SNRNP27: variants seen among roughly 807,000 people sequenced by gnomAD.
SNRNP27 encodes U4/U6.U5 small nuclear ribonucleoprotein 27 kDa protein.
Under a neutral mutation model 25.1 loss-of-function variants are expected in SNRNP27, and 22 were observed. The ratio of observed to expected loss-of-function variants is 0.88; its 90% confidence interval spans 0.63 to 1.25. SNRNP27 has a LOEUF of 1.25. SNRNP27 is among the 50% of genes most tolerant of loss of function. SNRNP27 has a pLI of 0.00. For missense variants in SNRNP27, 150 were observed against 202.3 expected (o/e 0.74, Z 1.57); for synonymous variants, 66 against 64.9 (o/e 1.02, Z -0.08).
chr2:69,898,516 T>C (rs565337281), intron 4 of SNRNP27, among the ~76,000 whole-genome samples: 40 of 152,356 alleles, frequency 2.6e-4, no homozygotes, highest in Non-Finnish European at 4.6e-4. Context: ...TTTAAGTCTT[T>C]CCATTTAGTT....
chr2:69,900,832 C>T (rs191880564), intron 4 of SNRNP27, among the ~76,000 whole-genome samples: 38 of 152,220 alleles, frequency 2.5e-4, no homozygotes, highest in African/African-American at 7.9e-4. Flanking sequence ...CTTGCAGTCT[C>T]ATAGGGAAAA....
intron 1 of SNRNP27, among the ~76,000 whole-genome samples, chr2:69,894,847 A>G (rs927140863): frequency 2.6e-5 from 4 of 151,808 alleles, no homozygotes; most frequent in South Asian, 4.2e-4. Flanking sequence ...ACGCCTGGCT[A>G]ATTTTTGTAT....
chr2:69,903,044 G>GC, intron 4 of SNRNP27, 137 bp from the exon 5 acceptor site: 1 of 614,166 alleles, frequency 1.6e-6, no homozygotes, highest in Non-Finnish European at 3.0e-6. Flanking sequence ...CTGGGCTCAA[G>GC]CAATCCTCCC....
At chr2:69,895,348 T>G (rs548280688) in intron 2 of SNRNP27, 134 bp downstream of exon 2, 2 of 1,121,732 alleles carry the variant, frequency 1.8e-6, no homozygotes, top group Admixed American at 5.7e-5. Context: ...TAATCCAACC[T>G]TATTCTAAAG....
Position 69,897,456 on chromosome 2 carries a change from A to T in SNRNP27, c.348A>T (p.Lys116Asn). The T allele has an allele frequency of 6.2e-7, 1 of 1,605,976 alleles. No homozygotes were observed. The highest frequency in any genetic ancestry group is 1.7e-4 in the Middle Eastern group (1 of 5,998). ...GATTTGCCTCCTTTGACTCCACAAA[A>T]GTAAGTAAAACGTGCAACATTCTCA... is the stretch of plus-strand genomic sequence containing the variant. ...LMGFASFDST[K>N]GKKVDGSVNA... is the part of the protein sequence containing the mutation. Residue 116 changes from lysine (K) to asparagine (N), a missense_variant and splice_region_variant, in exon 4 of 6, where the codon AAA (lysine) becomes AAT (asparagine). This residue lies in a region of SNRNP27 where 142 missense variants were observed against 168.6 expected (regional missense o/e 0.84). Coordinates refer to ENST00000244227, the MANE Select transcript of SNRNP27 (RefSeq NM_006857.3).
At chr2:69,898,643 C>T (rs759639767) in intron 4 of SNRNP27, among the ~76,000 whole-genome samples, 2 of 152,098 alleles carry the variant, frequency 1.3e-5, no homozygotes, top group Non-Finnish European at 2.9e-5. Flanking sequence ...CTGTAAGTTT[C>T]TTTCTAACTA....
chr2:69,897,155 A>G (rs992167053), intron 3 of SNRNP27, among the ~76,000 whole-genome samples: 1 of 152,006 alleles, frequency 6.6e-6, no homozygotes, highest in South Asian at 2.1e-4. Context: ...TTAAAAGGTA[A>G]TCCTGTCTAA....
intron 4 of SNRNP27, among the ~76,000 whole-genome samples, chr2:69,902,785 CTTCTTCTGCTT>C (rs1436741098): frequency 2.0e-5 from 3 of 151,750 alleles, no homozygotes; most frequent in African/African-American, 7.3e-5. Flanking sequence ...TGCTTCTTTT[CTTCTTCTGCTT>C]TTCTTCTGCT....
chr2:69,895,223 A>G lies in SNRNP27; in HGVS notation c.155+9A>G, dbSNP rs1372766531. 3 of 1,611,234 alleles carry G rather than the reference A, an allele frequency of 1.9e-6. No homozygotes were observed. The highest frequency in any genetic ancestry group is 8.5e-7 in the Non-Finnish European group (1 of 1,179,210). On this transcript the variant is annotated intron_variant, in intron 2 of 5. Transcript: ENST00000244227. The stretch of plus-strand genomic sequence containing the variant: ...CACCGAAGACGCTCCCGGTAAGGGC[A>G]GAAAATAAGCCAAGAGTTTTATTTA...
At chr2:69,900,527 C>T (rs1676675569) in intron 4 of SNRNP27, among the ~76,000 whole-genome samples, 1 of 152,160 alleles carries the variant, frequency 6.6e-6, no homozygotes, top group Admixed American at 6.5e-5. Flanking sequence ...AAAGTAAGAC[C>T]AAATACATTT....
At chr2:69,896,619 C>A (rs1573388373) in intron 3 of SNRNP27, 71 bp downstream of exon 3, 1 of 1,374,800 alleles carries the variant, frequency 7.3e-7, no homozygotes, top group Non-Finnish European at 9.8e-7. Context: ...TAATCTTGAA[C>A]ATTTAAATGT....
At chr2:69,896,396 ATGTC>A (rs1344006532) in intron 2 of SNRNP27, 36 bp from the exon 3 acceptor site, 1 of 1,590,304 alleles carries the variant, frequency 6.3e-7, no homozygotes, top group Non-Finnish European at 8.6e-7. Flanking sequence ...CAAAGTTGAT[ATGTC>A]TGTCTGTTTC....
intron 4 of SNRNP27, among the ~76,000 whole-genome samples, chr2:69,899,883 C>T (rs953199096): frequency 3.9e-5 from 6 of 152,122 alleles, no homozygotes; most frequent in East Asian, 3.8e-4. Context: ...CATGCCGCCA[C>T]GCCAGGATAA....
At chr2:69,903,128 G>C (rs1676738752) in intron 4 of SNRNP27, 53 bp from the exon 5 acceptor site, 2 of 1,411,478 alleles carry the variant, frequency 1.4e-6, no homozygotes, top group Admixed American at 1.7e-5. Context: ...CATGTATCCT[G>C]ATTTAATGTA....
chr2:69,902,533 GCTTCTGCTT>G (rs959874860), intron 4 of SNRNP27, among the ~76,000 whole-genome samples: 1 of 150,706 alleles, frequency 6.6e-6, no homozygotes, highest in Non-Finnish European at 1.5e-5. Context: ...TCTAGCTTCT[GCTTCTGCTT>G]CTGCTGCTTC....
intron 4 of SNRNP27, among the ~76,000 whole-genome samples, chr2:69,902,868 C>T (rs766065843): frequency 6.6e-6 from 1 of 151,792 alleles, no homozygotes; most frequent in South Asian, 2.1e-4. Context: ...CCTCCTCCCC[C>T]TCGGCCCCCG....
intron 4 of SNRNP27, among the ~76,000 whole-genome samples, chr2:69,902,469 T>C (rs1342482882): frequency 1.3e-5 from 2 of 152,148 alleles, no homozygotes; most frequent in East Asian, 3.8e-4. Flanking sequence ...CTTCGGCTTC[T>C]GCTGCTGCTG....
chr2:69,901,893 C>A (rs1676705768), intron 4 of SNRNP27, among the ~76,000 whole-genome samples: 1 of 152,112 alleles, frequency 6.6e-6, no homozygotes, highest in Non-Finnish European at 1.5e-5. Flanking sequence ...TGAATGGCAA[C>A]CATTCCAGCC....
intron 3 of SNRNP27, among the ~76,000 whole-genome samples, chr2:69,896,902 G>A (rs1428803483): frequency 6.6e-6 from 1 of 152,086 alleles, no homozygotes; most frequent in African/African-American, 2.4e-5. Context: ...TCAAACTCCT[G>A]ACCTCAGGTG....
Sources: gnomAD v4.1 joint callset for allele counts (sites outside exome capture counted in the v4.1 genomes callset) on GRCh38, gnomAD v4.1.1 for gene constraint, gnomAD v4.1.1 regional missense constraint, MANE v1.5 for transcripts, NCBI Gene and HGNC (gene_info 2026-07-23, HGNC 2026-07-21) for gene names.